Variants in BUB1B observed in about 807,000 individuals in gnomAD.
The protein encoded by BUB1B is mitotic checkpoint serine/threonine-protein kinase BUB1 beta.
In BUB1B, 86 loss-of-function variants were observed where a neutral mutation model predicts 137.7. That is an observed-to-expected ratio of 0.62 (90% CI 0.52 to 0.75). The LOEUF is 0.75. Ranked by LOEUF, BUB1B falls within the 30% of genes least tolerant of loss-of-function variation. The probability of loss-of-function intolerance (pLI) is 0.00; values close to 1 mark genes in which losing one functional copy is unlikely to be tolerated. For synonymous variants in BUB1B, 420 were observed against 417.9 expected (o/e 1.00, Z -0.06); for missense variants, 1,130 against 1,236.9 (o/e 0.91, Z 1.30).
intron 8 of BUB1B, among the ~76,000 whole-genome samples, chr15:40,189,309 G>A (rs1263684045): frequency 6.6e-6 from 1 of 152,082 alleles, no homozygotes; most frequent in Admixed American, 6.5e-5. Flanking sequence ...ACAGGCATGT[G>A]CCACCACTCC....
intron 8 of BUB1B, among the ~76,000 whole-genome samples, chr15:40,194,751 A>G (rs2037477750): frequency 2.6e-5 from 4 of 152,182 alleles, no homozygotes; most frequent in South Asian, 2.1e-4. Context: ...CTTGGACTTA[A>G]TATTATTAGG....
In BUB1B at chr15:40,185,393, G is replaced by C. The variant is rs377647421; in HGVS notation, c.966+14G>C. ...TTGGAACACAGGGTAAGGACTCTTA[G>C]ATCCAGTGCTTTGCTGACACAACAA... is the stretch of plus-strand genomic sequence containing the variant. On this transcript the variant is annotated intron_variant, in intron 7 of 22. Coordinates refer to ENST00000287598, the MANE Select transcript of BUB1B (RefSeq NM_001211.6). The C allele has an allele frequency of 1.6e-4, 262 of 1,613,268 alleles. No homozygotes were observed. The highest frequency in any genetic ancestry group is 2.1e-4 in the Non-Finnish European group (253 of 1,179,564).
At chr15:40,217,876 C>A (rs1446261961) in intron 21 of BUB1B, among the ~76,000 whole-genome samples, 1 of 152,226 alleles carries the variant, frequency 6.6e-6, no homozygotes, top group East Asian at 1.9e-4. Flanking sequence ...ATGACTAACT[C>A]TGTAACCGAG....
rs192142537 is a variant in BUB1B at position 40,162,926 on chromosome 15, T to C, written c.35+1671T>C. 1.1e-3 allele frequency among the ~76,000 whole-genome samples: 162 copies of C among 152,250 alleles called. 1 individual carries two copies. Among genetic ancestry groups the C allele is most frequent in the Non-Finnish European group, 1.9e-3 (126 of 68,022 alleles). ...TTACCTTTACAGAGTTCACACAATATAGAGCAGGTCCTGGTATAACATCGT... is the reference window on the plus strand; with the variant it reads ...TTACCTTTACAGAGTTCACACAATACAGAGCAGGTCCTGGTATAACATCGT... On this transcript the variant is annotated intron_variant, in intron 1 of 22. Coordinates refer to ENST00000287598, the MANE Select transcript of BUB1B (RefSeq NM_001211.6).
intron 8 of BUB1B, among the ~76,000 whole-genome samples, chr15:40,187,228 C>T (rs1368665342): frequency 6.6e-6 from 1 of 152,056 alleles, no homozygotes; most frequent in Non-Finnish European, 1.5e-5. Flanking sequence ...CAGGTTCACG[C>T]CATTCTCCTG....
chr15:40,182,375 A>G (rs2037305423), intron 5 of BUB1B, among the ~76,000 whole-genome samples: 1 of 152,120 alleles, frequency 6.6e-6, no homozygotes, highest in African/African-American at 2.4e-5. Context: ...TAAGACTCTG[A>G]TCCTGTTGGC....
chr15:40,213,770 T>G (rs144024640), intron 20 of BUB1B, among the ~76,000 whole-genome samples: 64 of 152,312 alleles, frequency 4.2e-4, no homozygotes, highest in African/African-American at 1.5e-3. Context: ...ACTCCTGGCC[T>G]CAAGTGATCT....
intron 10 of BUB1B, 199 bp downstream of exon 10, chr15:40,199,926 G>A (rs2037544229): frequency 1.7e-6 from 1 of 605,104 alleles, no homozygotes; most frequent in South Asian, 2.0e-5. Context: ...TGAAATAAGT[G>A]GTGCAGTTTA....
intron 18 of BUB1B, among the ~76,000 whole-genome samples, chr15:40,211,567 A>G (rs946042897): frequency 1.3e-5 from 2 of 152,152 alleles, no homozygotes; most frequent in African/African-American, 4.8e-5. Flanking sequence ...GAGTGAGGAA[A>G]TTGGTCTGAA....
chr15:40,200,726 C>T (rs2037557812), intron 11 of BUB1B, among the ~76,000 whole-genome samples: 1 of 152,146 alleles, frequency 6.6e-6, no homozygotes, highest in Admixed American at 6.5e-5. Flanking sequence ...ACTATTAATG[C>T]AACTTGACAT....
chr15:40,168,564 CCTT>C (rs1401491263), intron 2 of BUB1B, among the ~76,000 whole-genome samples: 2 of 152,050 alleles, frequency 1.3e-5, no homozygotes. Context: ...AACTGTGGTC[CCTT>C]CTTCTAATGC....
At position 40,200,378 on chromosome 15, in the gene BUB1B, A is replaced by G. The variant is rs1323963512; in HGVS notation, c.1517+19A>G. ...GTGCCAGGTAAGACTACATAGGTGGAAGGGACAATGCATATAGGAGGGCAT... is the reference window on the plus strand; with the variant it reads ...GTGCCAGGTAAGACTACATAGGTGGGAGGGACAATGCATATAGGAGGGCAT... On this transcript the variant is annotated intron_variant, in intron 11 of 22. Coordinates refer to ENST00000287598, the MANE Select transcript of BUB1B (RefSeq NM_001211.6). The G allele has an allele frequency of 6.3e-7, 1 of 1,586,772 alleles. No homozygotes were observed. The highest frequency in any genetic ancestry group is 8.7e-7 in the Non-Finnish European group (1 of 1,155,796).
intron 9 of BUB1B, 79 bp downstream of exon 9, chr15:40,196,853 A>C: frequency 7.7e-7 from 1 of 1,295,954 alleles, no homozygotes; most frequent in Non-Finnish European, 1.1e-6. Context: ...TCTGAAGAAA[A>C]CTAACCTTAT....
chr15:40,219,179 GGATTACAGGTGT>G (rs1330439704), intron 22 of BUB1B, among the ~76,000 whole-genome samples: 1 of 152,134 alleles, frequency 6.6e-6, no homozygotes, highest in East Asian at 1.9e-4. Context: ...CAAAGTGCTA[GGATTACAGGTGT>G]GAGCCACCGT....
intron 9 of BUB1B, among the ~76,000 whole-genome samples, chr15:40,197,094 C>G (rs548510149): frequency 6.8e-4 from 104 of 152,256 alleles, no homozygotes; most frequent in African/African-American, 2.4e-3. Flanking sequence ...AATAAGCAAG[C>G]AGCTATGATC....
chr15:40,194,582 A>G (rs1362877105), intron 8 of BUB1B, among the ~76,000 whole-genome samples: 1 of 152,232 alleles, frequency 6.6e-6, no homozygotes, highest in Non-Finnish European at 1.5e-5. Flanking sequence ...AAGGACCGGT[A>G]TCTTTAGTTG....
chr15:40,208,507 C>T, intron 15 of BUB1B, 130 bp from the exon 16 acceptor site: 1 of 886,330 alleles, frequency 1.1e-6, no homozygotes, highest in African/African-American at 1.7e-5. Context: ...AGTTGTGCTC[C>T]AGCCTGGGTG....
At chr15:40,212,144 C>T (rs2037721635) in intron 18 of BUB1B, among the ~76,000 whole-genome samples, 1 of 152,222 alleles carries the variant, frequency 6.6e-6, no homozygotes, top group Non-Finnish European at 1.5e-5. Context: ...CTACCTTCCT[C>T]TTAAATGGGA....
At chr15:40,187,259 G>C (rs543329118) in intron 8 of BUB1B, among the ~76,000 whole-genome samples, 1 of 152,010 alleles carries the variant, frequency 6.6e-6, no homozygotes, top group South Asian at 2.1e-4. Flanking sequence ...CTGAGTATCT[G>C]GGACTACAGG....
Sources: allele counts gnomAD v4.1 joint callset (sites outside exome capture counted in the v4.1 genomes callset), GRCh38; gene constraint gnomAD v4.1.1; transcripts MANE v1.5; gene names NCBI Gene and HGNC (gene_info 2026-07-23, HGNC 2026-07-21).